Variants in GPRIN1 observed in about 807,000 individuals in gnomAD.
GPRIN1 encodes G protein regulated inducer of neurite outgrowth 1.
Under a neutral mutation model 2.8 loss-of-function variants are expected in GPRIN1, and 4 were observed. The ratio of observed to expected loss-of-function variants is 1.45; its 90% CI spans 0.71 to 3.32. The LOEUF is 3.32. Ranked by LOEUF, GPRIN1 falls within the 30% of genes most tolerant of loss-of-function variation. GPRIN1 has a pLI of 0.01. For synonymous variants in GPRIN1, 589 were observed against 589.9 expected (o/e 1.00, Z 0.02); for missense variants, 1,322 against 1,343.4 (o/e 0.98, Z 0.25).
At position 176,599,281 on chromosome 5, in the gene GPRIN1, G is replaced by A. The variant is rs747063802; in HGVS notation, c.554C>T (p.Ala185Val). The A allele has an allele frequency of 6.2e-6, 10 of 1,613,888 alleles. No homozygotes were observed. Among genetic ancestry groups the A allele is most frequent in the South Asian group, 1.1e-5 (1 of 91,082 alleles). Residue 185 changes from alanine to valine, a missense_variant, in exon 2 of 2, where the codon GCA becomes GTA. Physicochemically the swap from Ala to Val is moderately conservative, Grantham distance 64. Coordinates refer to ENST00000303991, the MANE Select transcript of GPRIN1 (RefSeq NM_052899.3). Reference sequence around the variant, plus strand: ...CCCCTTTCCCAAGATTTCAGGCTCTGCCTTTCCTGTAAACATGGGATCTGC... The same window carrying A: ...CCCCTTTCCCAAGATTTCAGGCTCTACCTTTCCTGTAAACATGGGATCTGC... Reference protein sequence around the residue: ...RKADPMFTGKAEPEILGKGDP... With the variant: ...RKADPMFTGKVEPEILGKGDP...
At chr5:176,600,088 G>A (rs1038012558) in intron 1 of GPRIN1, among the ~76,000 whole-genome samples, 1 of 152,148 alleles carries the variant, frequency 6.6e-6, no homozygotes. Context: ...GGCATTCAAC[G>A]CCCTTCACAA....
At chr5:176,605,903 AG>A (rs1759214628) in intron 1 of GPRIN1, among the ~76,000 whole-genome samples, 1 of 152,158 alleles carries the variant, frequency 6.6e-6, no homozygotes, top group African/African-American at 2.4e-5. Flanking sequence ...TCTGGAAAAC[AG>A]GAATTCAACA....
chr5:176,596,640 T>G lies in GPRIN1; in HGVS notation c.*168A>C. On this transcript the variant is annotated 3_prime_UTR_variant, in exon 2 of 2. Transcript: ENST00000303991. The surrounding 1 kb of genome is among the most constrained non-coding windows in gnomAD (Gnocchi z 5.2). ...CGAGGGAGCTTGGTAGAAGGGGTTCTTCTGTATTTGTGATGGGAGGGGCTG... is the reference window on the plus strand; with the variant it reads ...CGAGGGAGCTTGGTAGAAGGGGTTCGTCTGTATTTGTGATGGGAGGGGCTG... The G allele has an allele frequency of 2.1e-6, 1 of 480,076 alleles. No individual in the cohort carries two copies. The highest frequency in any genetic ancestry group is 3.1e-6 in the Non-Finnish European group (1 of 322,108). The allele number at this position is 480,076 out of a possible 1,614,324, so 29.7% of individuals were successfully genotyped here.
At chr5:176,603,476 T>G (rs1759177233) in intron 1 of GPRIN1, among the ~76,000 whole-genome samples, 2 of 152,190 alleles carry the variant, frequency 1.3e-5, no homozygotes, top group African/African-American at 4.8e-5. Context: ...TTTACACCTC[T>G]GGGTCCCTGG....
At position 176,597,587 on chromosome 5, in the gene GPRIN1, G is replaced by A. The variant is rs548956556; in HGVS notation, c.2248C>T (p.Pro750Ser). The A allele has an allele frequency of 5.0e-6, 8 of 1,595,244 alleles. No homozygotes were observed. The Admixed American group carries it at 1.2e-4, about 24-fold the overall frequency. The change falls in exon 2 of 2, where the codon CCG (proline) becomes TCG (serine). Residue 750 changes from proline (P) to serine (S), a missense_variant. Physicochemically the swap from Pro to Ser is moderately conservative, Grantham distance 74. This residue lies in a region of GPRIN1 where 1,117 missense variants were observed against 1,128.6 expected (regional missense o/e 0.99). Coordinates refer to ENST00000303991, the MANE Select transcript of GPRIN1 (RefSeq NM_052899.3). This position sits in a 1 kb window ranked among gnomAD's most constrained non-coding sequence, Gnocchi z 6.1. ...GARGSEGRVE[P>S]KAEPVSSTEA... ...GTGCTGGACACGGGCTCGGCCTTCG[G>A]CTCCACGCGGCCTTCACTGCCCCTG...
rs780515998 is a variant in GPRIN1 at position 176,597,845 on chromosome 5, G to C, written c.1990C>G (p.Pro664Ala). 2 of 1,613,284 alleles carry C rather than the reference G, an allele frequency of 1.2e-6. No homozygotes were observed. Among genetic ancestry groups the C allele is most frequent in the South Asian group, 1.1e-5 (1 of 91,072 alleles). Residue 664 changes from proline (P) to alanine (A), a missense_variant, in exon 2 of 2, where the codon CCA becomes GCA. Around this residue, in one of 3 missense-constraint regions of GPRIN1, gnomAD observed 1,117 missense variants for 1,128.6 expected, o/e 0.99. Transcript: ENST00000303991. This position sits in a 1 kb window ranked among gnomAD's most constrained non-coding sequence, Gnocchi z 6.1. The part of the protein sequence containing the change: ...AGAVCLKKET[P>A]QASEKVDPGS... ...GGATCCACCTTCTCTGAGGCCTGTG[G>C]TGTCTCCTTTTTCAAACACACAGCC...
Position 176,598,068 on chromosome 5 carries a change from C to A in GPRIN1, c.1767G>T (p.Lys589Asn), listed in dbSNP as rs1261749297. 2.9e-5 allele frequency: 47 copies of A among 1,614,046 alleles called. No individual in the cohort carries two copies. Among genetic ancestry groups the A allele is most frequent in the Non-Finnish European group, 3.9e-5 (46 of 1,180,032 alleles). ...CTTTTCCCAGGGACACGGGATCCACCTTCCCCGAGGGCACCGGGACTGTTT... is the reference window on the plus strand; with the variant it reads ...CTTTTCCCAGGGACACGGGATCCACATTCCCCGAGGGCACCGGGACTGTTT... Reference protein sequence around the residue: ...PGKTVPVPSGKVDPVSLGKAE... With the variant: ...PGKTVPVPSGNVDPVSLGKAE... The change falls in exon 2 of 2, where the codon AAG becomes AAT. Residue 589 changes from lysine (K) to asparagine (N), a missense_variant. By Grantham distance (94) the Lys-to-Asn change is moderately conservative. Around this residue, in one of 3 missense-constraint regions of GPRIN1, gnomAD observed 1,117 missense variants for 1,128.6 expected, o/e 0.99. Coordinates refer to ENST00000303991, the MANE Select transcript of GPRIN1 (RefSeq NM_052899.3).
intron 1 of GPRIN1, 32 bp from the exon 2 acceptor site, chr5:176,599,909 C>T: frequency 7.7e-7 from 1 of 1,302,440 alleles, no homozygotes; most frequent in Non-Finnish European, 9.9e-7. Context: ...CTCAGACTTC[C>T]CAAAGCTCAG....
rs748205553 is a variant in GPRIN1 at position 176,598,477 on chromosome 5, G to A, written c.1358C>T (p.Pro453Leu). The A allele has an allele frequency of 1.2e-6, 2 of 1,614,066 alleles. No individual in the cohort carries two copies. Among genetic ancestry groups the A allele is most frequent in the South Asian group, 2.2e-5 (2 of 91,080 alleles). ...GGAGGACACCGGGTCCTCTTTTCCTGGGGATACAGTTCCTGCCTTTCCCAC... is the reference window on the plus strand; with the variant it reads ...GGAGGACACCGGGTCCTCTTTTCCTAGGGATACAGTTCCTGCCTTTCCCAC... The part of the protein sequence containing the change: ...VSVGKAGTVS[P>L]GKEDPVSSRR... The change falls in exon 2 of 2, where the codon CCA becomes CTA. Residue 453 changes from proline to leucine, a missense_variant. By Grantham distance (98) the Pro-to-Leu change is moderately conservative (BLOSUM62 -3). This residue lies in a region of GPRIN1 where 1,117 missense variants were observed against 1,128.6 expected (regional missense o/e 0.99). Coordinates refer to ENST00000303991, the MANE Select transcript of GPRIN1 (RefSeq NM_052899.3).
chr5:176,597,977 T>G lies in GPRIN1; in HGVS notation c.1858A>C (p.Thr620Pro), dbSNP rs1216273807. The change falls in exon 2 of 2, where the codon ACA (threonine) becomes CCA (proline). Residue 620 changes from threonine to proline, a missense_variant. Thr to Pro is a conservative substitution (Grantham distance 38). This residue lies in a region of GPRIN1 where 1,117 missense variants were observed against 1,128.6 expected (regional missense o/e 0.99). Coordinates refer to ENST00000303991, the MANE Select transcript of GPRIN1 (RefSeq NM_052899.3). The surrounding 1 kb of genome is among the most constrained non-coding windows in gnomAD (Gnocchi z 6.1). ...CCCGAGGCCCTGGGATCCGCCTTTGTGGTGGTAACAGGACTCCCCTTCTCT... is the reference window on the plus strand; with the variant it reads ...CCCGAGGCCCTGGGATCCGCCTTTGGGGTGGTAACAGGACTCCCCTTCTCT... ...PLEKGSPVTT[T>P]KADPRASGKA... 6.2e-7 allele frequency: 1 copy of G among 1,613,998 alleles called. No homozygotes were observed. The highest frequency in any genetic ancestry group is 1.1e-5 in the South Asian group (1 of 91,070).
In GPRIN1 at chr5:176,597,939, C is replaced by T. The variant is rs1187523832; in HGVS notation, c.1896G>A (p.Pro632=). 5.6e-6 allele frequency: 9 copies of T among 1,613,870 alleles called. No individual in the cohort carries two copies. Among genetic ancestry groups the T allele is most frequent in the East Asian group, 2.2e-5 (1 of 44,888 alleles). The change falls in exon 2 of 2, where the codon CCG becomes CCA. Residue 632 remains proline (P), a synonymous_variant. Transcript: ENST00000303991. The surrounding 1 kb of genome is among the most constrained non-coding windows in gnomAD (Gnocchi z 6.1). ...ADPRASGKAQ[P]QSGGKAETKL... Reference sequence around the variant, plus strand: ...TTGTTTCTGCTTTGCCACCAGACTGCGGCTGTGCTTTCCCCGAGGCCCTGG... The same window carrying T: ...TTGTTTCTGCTTTGCCACCAGACTGTGGCTGTGCTTTCCCCGAGGCCCTGG...
Position 176,599,119 on chromosome 5 carries a change from C to G in GPRIN1, c.716G>C (p.Arg239Thr), listed in dbSNP as rs1245302692. 9.7e-7 allele frequency: 1 copy of G among 1,031,544 alleles called. No individual in the cohort carries two copies. The highest frequency in any genetic ancestry group is 1.3e-6 in the Non-Finnish European group (1 of 760,980). 63.9% of individuals were successfully genotyped at this position (1,031,544 alleles called of 1,614,324 possible). A position where few individuals can be genotyped will look rare whatever the true frequency, so the allele number is the denominator to read the frequency against. Reference protein sequence around the residue: ...SPRKEDPGSLRKVDPVSSDKV... With the variant: ...SPRKEDPGSLTKVDPVSSDKV... ...GTCTGAGGACACAGGATCCACCTTT[C>G]TCAAAGACCCAGGATCCTCCTTCCT... The change falls in exon 2 of 2, where the codon AGA (arginine) becomes ACA (threonine). Residue 239 changes from arginine to threonine, a missense_variant. By Grantham distance (71) the Arg-to-Thr change is moderately conservative. Coordinates refer to ENST00000303991, the MANE Select transcript of GPRIN1 (RefSeq NM_052899.3).
In GPRIN1 at chr5:176,597,306, C is replaced by T; in HGVS notation, c.2529G>A (p.Gln843=). Residue 843 remains glutamine (Q), a synonymous_variant, in exon 2 of 2, where the codon CAG becomes CAA. Transcript: ENST00000303991. The surrounding 1 kb of genome is among the most constrained non-coding windows in gnomAD (Gnocchi z 6.1). ...GCGGGCTGGGCGCGCGCGGCGCCGCCTGGAAGCTGAAGGCCGAGCCCCCAG... is the reference window on the plus strand; with the variant it reads ...GCGGGCTGGGCGCGCGCGGCGCCGCTTGGAAGCTGAAGGCCGAGCCCCCAG... The part of the protein sequence containing the change: ...DGAGGSAFSF[Q]AAPRAPSPPS... The T allele has an allele frequency of 1.6e-6, 2 of 1,234,384 alleles. No homozygotes were observed. Among genetic ancestry groups the T allele is most frequent in the Admixed American group, 4.3e-5 (1 of 23,244 alleles). The allele number at this position is 1,234,384 out of a possible 1,614,324, so 76.5% of individuals were successfully genotyped here.
At chr5:176,601,213 GT>G (rs1354318750) in intron 1 of GPRIN1, among the ~76,000 whole-genome samples, 2 of 152,232 alleles carry the variant, frequency 1.3e-5, no homozygotes, top group African/African-American at 4.8e-5. Flanking sequence ...AGATGTGTGT[GT>G]TTTCAAAGAT....
At chr5:176,605,271 T>C (rs975392460) in intron 1 of GPRIN1, among the ~76,000 whole-genome samples, 13 of 151,912 alleles carry the variant, frequency 8.6e-5, no homozygotes, top group African/African-American at 2.9e-4. Context: ...TTTTTTAAAT[T>C]TTTACTAGAG....
Position 176,599,521 on chromosome 5 carries a change from G to C in GPRIN1, c.314C>G (p.Pro105Arg), listed in dbSNP as rs141810829. The change falls in exon 2 of 2, where the codon CCC becomes CGC. Residue 105 changes from proline (P) to arginine (R), a missense_variant. Coordinates refer to ENST00000303991, the MANE Select transcript of GPRIN1 (RefSeq NM_052899.3). ...ATGTGCCTCCAATGTCTCCTTGGAG[G>C]GTGACTCCTGGGGAGAGAAGCAGGT... ...SPTCFSPQES[P>R]SKETLEAHGA... The C allele has an allele frequency of 6.2e-7, 1 of 1,607,052 alleles. No homozygotes were observed. Among genetic ancestry groups the C allele is most frequent in the South Asian group, 1.1e-5 (1 of 90,244 alleles).
rs1759078852 is a variant in GPRIN1 at position 176,598,012 on chromosome 5, G to A, written c.1823C>T (p.Ser608Phe). 1.2e-6 allele frequency: 2 copies of A among 1,613,962 alleles called. No homozygotes were observed. Among genetic ancestry groups the A allele is most frequent in the South Asian group, 1.1e-5 (1 of 91,080 alleles). The change falls in exon 2 of 2, where the codon TCT becomes TTT. Residue 608 changes from serine to phenylalanine, a missense_variant. Coordinates refer to ENST00000303991, the MANE Select transcript of GPRIN1 (RefSeq NM_052899.3). ...AEAIPEGKVG[S>F]LPLEKGSPVT... ...AGGACTCCCCTTCTCTAGAGGCAGA[G>A]AACCCACTTTTCCCTCTGGGATAGC... is the stretch of plus-strand genomic sequence containing the variant.
chr5:176,597,670 G>A lies in GPRIN1; in HGVS notation c.2165C>T (p.Ser722Phe), dbSNP rs1759069383. ...PLSLEKTKPS[S>F]SSRQLDRKAL... ...TTTGCGGTCTAACTGCCTGGAGGAGGAGGACGGCTTGGTCTTCTCCAGACT... is the reference window on the plus strand; with the variant it reads ...TTTGCGGTCTAACTGCCTGGAGGAGAAGGACGGCTTGGTCTTCTCCAGACT... The change falls in exon 2 of 2, where the codon TCC becomes TTC. Residue 722 changes from serine (S) to phenylalanine (F), a missense_variant. By Grantham distance (155) the Ser-to-Phe change is radical. Transcript: ENST00000303991. The surrounding 1 kb of genome is among the most constrained non-coding windows in gnomAD (Gnocchi z 6.1). 10 of 1,595,622 alleles carry A rather than the reference G, an allele frequency of 6.3e-6. No individual in the cohort carries two copies. Among genetic ancestry groups the A allele is most frequent in the Non-Finnish European group, 8.5e-6 (10 of 1,172,330 alleles).
Position 176,597,891 on chromosome 5 carries a change from A to G in GPRIN1, c.1944T>C (p.Ala648=), listed in dbSNP as rs1759075847. ...AETKLPGQEG[A]AAPGEAGAVC... ...CAGCCCCTGCTTCCCCTGGTGCTGC[A>G]GCGCCCTCTTGCCCAGGGAGCTTTG... Residue 648 remains alanine, a synonymous_variant, in exon 2 of 2, where the codon GCT becomes GCC. Transcript: ENST00000303991. This position sits in a 1 kb window ranked among gnomAD's most constrained non-coding sequence, Gnocchi z 6.1. 1 of 1,613,786 alleles carries G rather than the reference A, an allele frequency of 6.2e-7. No individual in the cohort carries two copies. Among genetic ancestry groups the G allele is most frequent in the Non-Finnish European group, 8.5e-7 (1 of 1,179,980 alleles).
Sources: gnomAD v4.1 joint callset for allele counts (sites outside exome capture counted in the v4.1 genomes callset) on GRCh38, gnomAD v4.1.1 for gene constraint, gnomAD v4.1.1 regional missense constraint, Gnocchi (gnomAD v3.1) non-coding constraint, MANE v1.5 for transcripts, NCBI Gene and HGNC (gene_info 2026-07-23, HGNC 2026-07-21) for gene names.